LAMA4: variants seen among roughly 807,000 people sequenced by gnomAD.
LAMA4 encodes laminin subunit alpha-4.
In LAMA4, 127 loss-of-function variants were observed where a neutral mutation model predicts 207.1. That is an observed-to-expected ratio of 0.61 (90% confidence interval 0.53 to 0.71). The LOEUF (loss-of-function observed/expected upper bound fraction) is 0.71, where lower values mean the gene tolerates loss of function less well. Among genes scored for constraint, LAMA4 ranks in the 30% least tolerant of loss-of-function variants. The pLI, the probability that LAMA4 is intolerant of heterozygous loss-of-function variation, is 0.00. For missense variants in LAMA4, 2,093 were observed against 2,246.5 expected (o/e 0.93, Z 1.38); for synonymous variants, 761 against 816.0 (o/e 0.93, Z 1.15).
intron 2 of LAMA4, among the ~76,000 whole-genome samples, chr6:112,225,144 G>A (rs1785142817): frequency 6.6e-6 from 1 of 151,770 alleles, no homozygotes; most frequent in African/African-American, 2.4e-5. Flanking sequence ...GCTATATTTT[G>A]GTAATTCCTA....
chr6:112,212,795 TA>T (rs1784424544), intron 3 of LAMA4, among the ~76,000 whole-genome samples: 1 of 152,238 alleles, frequency 6.6e-6, no homozygotes, highest in Admixed American at 6.5e-5. Flanking sequence ...GAAGTCTCTA[TA>T]ATCAGTTTCT....
intron 3 of LAMA4, among the ~76,000 whole-genome samples, chr6:112,209,749 C>T (rs1162223542): frequency 6.6e-6 from 1 of 152,202 alleles, no homozygotes; most frequent in African/African-American, 2.4e-5. Context: ...GTTTTACCTT[C>T]AGTGCTCTGG....
In LAMA4 at chr6:112,181,521, A is replaced by G. The variant is rs115151381; in HGVS notation, c.1078-3289T>C. ...GAACTTAGCACGCTGCTTCACATCT[A>G]TCTGTTCTCATAGTACTTACCCCTT... On this transcript the variant is annotated intron_variant, in intron 9 of 38. Coordinates refer to ENST00000230538, the MANE Select transcript of LAMA4 (RefSeq NM_001105206.3). 7.7e-3 allele frequency among the ~76,000 whole-genome samples: 1,173 copies of G among 152,128 alleles called. 14 individuals are homozygous for G. Among genetic ancestry groups the G allele is most frequent in the African/African-American group, 0.024 (975 of 41,484 alleles).
intron 6 of LAMA4, among the ~76,000 whole-genome samples, chr6:112,190,509 T>C (rs1554348219): frequency 6.6e-6 from 1 of 152,176 alleles, no homozygotes; most frequent in Admixed American, 6.5e-5. Flanking sequence ...GAGTACAATA[T>C]TTCCTGCTCT....
chr6:112,163,642 A>G (rs1781214469), intron 13 of LAMA4, among the ~76,000 whole-genome samples: 1 of 152,110 alleles, frequency 6.6e-6, no homozygotes, highest in Non-Finnish European at 1.5e-5. Context: ...AGTATAGGGG[A>G]CAGTGGGAGT....
intron 2 of LAMA4, among the ~76,000 whole-genome samples, chr6:112,241,377 T>C (rs1554187731): frequency 6.6e-6 from 1 of 151,752 alleles, no homozygotes; most frequent in Non-Finnish European, 1.5e-5. Context: ...ACCACTTATT[T>C]AAATGTTCTT....
At chr6:112,137,372 C>G (rs1779417348) in intron 24 of LAMA4, among the ~76,000 whole-genome samples, 1 of 151,994 alleles carries the variant, frequency 6.6e-6, no homozygotes. Flanking sequence ...TTAAAAAAAC[C>G]TGAAATAGAG....
intron 16 of LAMA4, among the ~76,000 whole-genome samples, chr6:112,153,645 A>C (rs1554336208): frequency 6.6e-6 from 1 of 152,136 alleles, no homozygotes; most frequent in Non-Finnish European, 1.5e-5. Context: ...TGTCATGAAG[A>C]CTGACACATT....
At chr6:112,143,200 G>A (rs569247629) in intron 19 of LAMA4, among the ~76,000 whole-genome samples, 1 of 152,006 alleles carries the variant, frequency 6.6e-6, no homozygotes, top group Non-Finnish European at 1.5e-5. Context: ...TTTGGCTAAT[G>A]TGGGTGGTCA....
At chr6:112,243,294 C>CA (rs1786660489) in intron 2 of LAMA4, among the ~76,000 whole-genome samples, 1 of 152,182 alleles carries the variant, frequency 6.6e-6, no homozygotes, top group Non-Finnish European at 1.5e-5. Flanking sequence ...CCCCCTACCA[C>CA]AGGCCAGGGC....
intron 2 of LAMA4, among the ~76,000 whole-genome samples, chr6:112,230,739 G>C (rs1201385252): frequency 6.6e-6 from 1 of 152,106 alleles, no homozygotes; most frequent in Non-Finnish European, 1.5e-5. Context: ...TTAACTCCCT[G>C]AGCACAGAAA....
chr6:112,175,527 A>G lies in LAMA4; in HGVS notation c.1190-47T>C, dbSNP rs1554343464. On this transcript the variant is annotated intron_variant, in intron 10 of 38. Coordinates refer to ENST00000230538, the MANE Select transcript of LAMA4 (RefSeq NM_001105206.3). ...AACAAGGCAGCAGGGAGAGATGACCAGGCACTAGAAATGCAAGGGAGCAAG... is the reference window on the plus strand; with the variant it reads ...AACAAGGCAGCAGGGAGAGATGACCGGGCACTAGAAATGCAAGGGAGCAAG... 2.5e-6 allele frequency: 4 copies of G among 1,601,728 alleles called. No individual in the cohort carries two copies. In the South Asian group the frequency reaches 4.4e-5, roughly 18 times the overall value.
intron 2 of LAMA4, among the ~76,000 whole-genome samples, chr6:112,229,001 CTT>C (rs1304925804): frequency 6.6e-6 from 1 of 152,184 alleles, no homozygotes; most frequent in Non-Finnish European, 1.5e-5. Flanking sequence ...ACCTGATTCA[CTT>C]TCTTTCTCAG....
At chr6:112,242,767 A>C (rs1786609682) in intron 2 of LAMA4, among the ~76,000 whole-genome samples, 1 of 152,206 alleles carries the variant, frequency 6.6e-6, no homozygotes, top group East Asian at 1.9e-4. Flanking sequence ...ATTTGCTTCC[A>C]CATGTTGTGT....
At chr6:112,234,616 A>G (rs879952091) in intron 2 of LAMA4, 2 of 152,118 alleles carry the variant, frequency 1.3e-5, no homozygotes, top group South Asian at 2.1e-4. Flanking sequence ...AAGAAAACCA[A>G]CGTAGTTTAG....
rs554773697 is a variant in LAMA4, at chr6:112,133,163, C to T, written c.3696+186G>A. Reference sequence around the variant, plus strand: ...CCCACCCATGGAAAACTGAAGCAAACGAACAAGTCACAGAGGAACCCCATG... The same window carrying T: ...CCCACCCATGGAAAACTGAAGCAAATGAACAAGTCACAGAGGAACCCCATG... On this transcript the variant is annotated intron_variant, in intron 27 of 38. Transcript: ENST00000230538. Among the ~76,000 whole-genome samples, 14 of 152,218 alleles carry T rather than the reference C, an allele frequency of 9.2e-5. No individual in the cohort carries two copies. In the South Asian group the frequency reaches 1.4e-3, roughly 16 times the overall value.
chr6:112,208,951 C>T (rs1554355424), intron 3 of LAMA4, among the ~76,000 whole-genome samples: 1 of 152,108 alleles, frequency 6.6e-6, no homozygotes, highest in East Asian at 1.9e-4. Context: ...CCTTACAGTT[C>T]TTAATACTGT....
intron 19 of LAMA4, among the ~76,000 whole-genome samples, chr6:112,143,580 G>A (rs781971896): frequency 6.6e-6 from 1 of 152,056 alleles, no homozygotes; most frequent in Non-Finnish European, 1.5e-5. Context: ...CACCGCACCC[G>A]GCCAAGACCA....
At chr6:112,253,596 A>C in intron 2 of LAMA4, 1 of 732,052 alleles carries the variant, frequency 1.4e-6, no homozygotes, top group Non-Finnish European at 2.4e-6. Context: ...GTGACAGGGC[A>C]CACACGTTAA....
Sources: allele counts gnomAD v4.1 joint callset (sites outside exome capture counted in the v4.1 genomes callset), GRCh38; gene constraint gnomAD v4.1.1; transcripts MANE v1.5; gene names NCBI Gene and HGNC (gene_info 2026-07-23, HGNC 2026-07-21).